ADAM22: variants seen among roughly 807,000 people sequenced by gnomAD.
ADAM22 encodes ADAM metallopeptidase domain 22, also known as disintegrin and metalloproteinase domain-containing protein 22.
A neutral mutation model predicts 144.6 loss-of-function variants in ADAM22; 65 were observed. The ratio of observed to expected loss-of-function variants is 0.45; its 90% CI spans 0.37 to 0.55. The LOEUF (loss-of-function observed/expected upper bound fraction) is 0.55, where lower values mean the gene tolerates loss of function less well. Ranked by LOEUF, ADAM22 falls within the 20% of genes least tolerant of loss-of-function variation. ADAM22 has a pLI of 0.00. For missense variants in ADAM22, 974 were observed against 1,184.9 expected (o/e 0.82, Z 2.61); for synonymous variants, 391 against 412.6 (o/e 0.95, Z 0.63).
At chr7:88,061,697 T>A (rs1809906895) in intron 3 of ADAM22, among the ~76,000 whole-genome samples, 1 of 152,184 alleles carries the variant, frequency 6.6e-6, no homozygotes, top group Non-Finnish European at 1.5e-5. Context: ...GTTGCATTTA[T>A]GGAGCACAGG....
intron 5 of ADAM22, among the ~76,000 whole-genome samples, chr7:88,114,026 G>A (rs990736361): frequency 2.6e-5 from 4 of 151,804 alleles, no homozygotes; most frequent in Non-Finnish European, 5.9e-5. Context: ...AAGGATAGTC[G>A]TTGTACTTCT....
At chr7:88,054,003 G>C (rs1053993443) in intron 3 of ADAM22, among the ~76,000 whole-genome samples, 3 of 152,018 alleles carry the variant, frequency 2.0e-5, no homozygotes, top group Non-Finnish European at 2.9e-5. Context: ...ATGGTAGCAT[G>C]CGCCTGTAAT....
At chr7:88,127,094 G>GTA (rs1368519301) in intron 8 of ADAM22, among the ~76,000 whole-genome samples, 1 of 151,488 alleles carries the variant, frequency 6.6e-6, no homozygotes, top group Non-Finnish European at 1.5e-5. Context: ...ACATATGTGT[G>GTA]TGTATATATA....
intron 3 of ADAM22, among the ~76,000 whole-genome samples, chr7:88,043,546 T>C (rs1407721854): frequency 6.6e-6 from 1 of 150,984 alleles, no homozygotes; most frequent in Non-Finnish European, 1.5e-5. Context: ...TTCCATATTA[T>C]AGAAAATGTA....
At chr7:88,003,820 A>C (rs936257076) in intron 3 of ADAM22, among the ~76,000 whole-genome samples, 1 of 152,216 alleles carries the variant, frequency 6.6e-6, no homozygotes, top group East Asian at 1.9e-4. Context: ...AAAGCTCTGC[A>C]TTATATCTGC....
chr7:88,103,020 T>A (rs756233545), intron 4 of ADAM22, among the ~76,000 whole-genome samples: 2 of 152,162 alleles, frequency 1.3e-5, no homozygotes, highest in African/African-American at 2.4e-5. Flanking sequence ...ATTGGAGAAG[T>A]AAGACAGAAA....
chr7:88,119,104 A>G (rs138853290), intron 7 of ADAM22, among the ~76,000 whole-genome samples: 54 of 152,322 alleles, frequency 3.5e-4, no homozygotes, highest in Admixed American at 3.5e-3. Flanking sequence ...TTTGCTTTAC[A>G]TGGCATGTAC....
At chr7:88,061,332 C>T (rs1809793394) in intron 3 of ADAM22, among the ~76,000 whole-genome samples, 1 of 152,140 alleles carries the variant, frequency 6.6e-6, no homozygotes, top group Non-Finnish European at 1.5e-5. Flanking sequence ...TATGGATGTT[C>T]TTAATGGCAT....
Position 87,934,439 on chromosome 7 carries a change from C to T in ADAM22, c.-27C>T. On this transcript the variant is annotated 5_prime_UTR_variant, in exon 1 of 32. Coordinates refer to ENST00000413139, the MANE Select transcript of ADAM22 (RefSeq NM_001324418.2). The stretch of plus-strand genomic sequence containing the variant: ...CGCCGGCATGAGGAGCTGAGCGTCT[C>T]GGGCGAGGCGGGCTGACGGCAGCAC... The T allele has an allele frequency of 6.4e-7, 1 of 1,565,740 alleles. No homozygotes were observed. Among genetic ancestry groups the T allele is most frequent in the Non-Finnish European group, 8.6e-7 (1 of 1,161,154 alleles).
chr7:88,128,732 G>A (rs940839290), intron 9 of ADAM22, 56 bp downstream of exon 9: 107 of 1,371,116 alleles, frequency 7.8e-5, no homozygotes, highest in Non-Finnish European at 1.1e-4. Flanking sequence ...ACTGGTGAGT[G>A]CAAAAATATG....
chr7:88,161,304 T>C (rs985205310), intron 22 of ADAM22, among the ~76,000 whole-genome samples: 2 of 151,706 alleles, frequency 1.3e-5, no homozygotes, highest in African/African-American at 4.8e-5. Flanking sequence ...TCTTACACCA[T>C]ATACAAAAAT....
At chr7:88,052,533 A>C (rs571946632) in intron 3 of ADAM22, among the ~76,000 whole-genome samples, 149 of 152,138 alleles carry the variant, frequency 9.8e-4, no homozygotes, top group African/African-American at 3.3e-3. Flanking sequence ...CTGCTATTTG[A>C]TTAGATTATC....
chr7:87,941,859 T>C (rs1258720500), intron 2 of ADAM22, among the ~76,000 whole-genome samples: 5 of 152,184 alleles, frequency 3.3e-5, no homozygotes, highest in Non-Finnish European at 7.3e-5. Flanking sequence ...TAAGAGCTTA[T>C]AGGTTGATAA....
At chr7:88,123,538 A>G (rs571005152) in intron 7 of ADAM22, among the ~76,000 whole-genome samples, 2 of 152,084 alleles carry the variant, frequency 1.3e-5, no homozygotes, top group South Asian at 2.1e-4. Flanking sequence ...TCTTTTTAGT[A>G]TCTATAGAAT....
intron 3 of ADAM22, among the ~76,000 whole-genome samples, chr7:87,982,042 T>C (rs1195295145): frequency 2.1e-5 from 2 of 96,132 alleles, no homozygotes; most frequent in Non-Finnish European, 4.0e-5. Context: ...TTATGTTTAT[T>C]TCATATATAT....
At chr7:88,142,980 A>T (rs1835245989) in intron 14 of ADAM22, 46 bp from the exon 15 acceptor site, 1 of 1,203,200 alleles carries the variant, frequency 8.3e-7, no homozygotes, top group Middle Eastern at 2.1e-4. Flanking sequence ...TTCACAAATG[A>T]GAAAGATGAG....
chr7:88,113,699 AATAAAT>A (rs1245379489), intron 5 of ADAM22, among the ~76,000 whole-genome samples: 10 of 39,464 alleles, frequency 2.5e-4, no homozygotes, highest in Admixed American at 1.9e-3. Flanking sequence ...TAAATAAATA[AATAAAT>A]ATATATATAT....
chr7:88,142,635 G>A (rs545484718), intron 14 of ADAM22, among the ~76,000 whole-genome samples: 6 of 152,030 alleles, frequency 3.9e-5, no homozygotes, highest in Non-Finnish European at 7.4e-5. Flanking sequence ...TCAGGAGATC[G>A]AGACCATCCT....
chr7:87,944,684 A>G lies in ADAM22; in HGVS notation c.246+9498A>G, dbSNP rs12667984. On this transcript the variant is annotated intron_variant, in intron 2 of 31. Transcript: ENST00000413139. Reference sequence around the variant, plus strand: ...AAATCAGAGAGCAAATGATCAAGAGAAGATACTAGGCTGGTCAGGTCAGTA... The same window carrying G: ...AAATCAGAGAGCAAATGATCAAGAGGAGATACTAGGCTGGTCAGGTCAGTA... Among the ~76,000 whole-genome samples, 1,230 of 152,256 alleles carry G rather than the reference A, an allele frequency of 8.1e-3. 21 individuals are homozygous for G. Among genetic ancestry groups the G allele is most frequent in the East Asian group, 0.046 (237 of 5,188 alleles).
Sources: gnomAD v4.1 joint callset for allele counts (sites outside exome capture counted in the v4.1 genomes callset) on GRCh38, gnomAD v4.1.1 for gene constraint, MANE v1.5 for transcripts, NCBI Gene and HGNC (gene_info 2026-07-23, HGNC 2026-07-21) for gene names.